Variants in PRKAR2B observed in about 807,000 individuals in gnomAD.
PRKAR2B encodes protein kinase cAMP-dependent type II regulatory subunit beta.
PRKAR2B carries 14 observed loss-of-function variants against 49.9 expected under a neutral mutation model. The ratio of observed to expected loss-of-function variants is 0.28; its 90% CI spans 0.19 to 0.44. The LOEUF (loss-of-function observed/expected upper bound fraction) is 0.44. Among genes scored for constraint, PRKAR2B ranks in the 20% least tolerant of loss-of-function variants. The pLI is 1.00. For missense variants in PRKAR2B, 393 were observed against 537.9 expected (o/e 0.73, Z 2.67); for synonymous variants, 196 against 197.7 (o/e 0.99, Z 0.07).
chr7:107,101,729 T>G (rs1794969089), intron 2 of PRKAR2B, among the ~76,000 whole-genome samples: 1 of 152,186 alleles, frequency 6.6e-6, no homozygotes, highest in South Asian at 2.1e-4. Flanking sequence ...AGAACCACCA[T>G]GCTGACCAAC....
At chr7:107,116,947 G>A (rs1401866370) in intron 2 of PRKAR2B, among the ~76,000 whole-genome samples, 1 of 146,940 alleles carries the variant, frequency 6.8e-6, no homozygotes, top group Non-Finnish European at 1.5e-5. Flanking sequence ...ATATATGTGT[G>A]TGTGTGTGTA....
chr7:107,127,228 A>G (rs1795512763), intron 3 of PRKAR2B, among the ~76,000 whole-genome samples: 1 of 152,224 alleles, frequency 6.6e-6, no homozygotes, highest in Admixed American at 6.5e-5. Flanking sequence ...TGAAGAGGCA[A>G]GGTACCTGCC....
At chr7:107,092,415 A>C (rs1794748148) in intron 2 of PRKAR2B, among the ~76,000 whole-genome samples, 1 of 152,066 alleles carries the variant, frequency 6.6e-6, no homozygotes, top group African/African-American at 2.4e-5. Flanking sequence ...TCCAGGAAGC[A>C]GCTGAAAGGA....
chr7:107,061,678 C>T (rs1040246498), intron 1 of PRKAR2B, among the ~76,000 whole-genome samples: 1 of 152,092 alleles, frequency 6.6e-6, no homozygotes, highest in Non-Finnish European at 1.5e-5. Flanking sequence ...CCTAGGCAGG[C>T]AGATCACTTG....
chr7:107,136,036 G>A (rs1202381563), intron 4 of PRKAR2B, among the ~76,000 whole-genome samples: 1 of 152,160 alleles, frequency 6.6e-6, no homozygotes, highest in Non-Finnish European at 1.5e-5. Context: ...CCACTTAAAT[G>A]CAGTTAACTG....
chr7:107,049,047 T>G lies in PRKAR2B; in HGVS notation c.307+3833T>G, dbSNP rs577437104. On this transcript the variant is annotated intron_variant, in intron 1 of 10. Transcript: ENST00000265717. ...GTAGCATCCCTAGGCCTTGAATTTC[T>G]TAGAAGGTTTACGGTAGGCTATAGC... is the stretch of plus-strand genomic sequence containing the variant. Among the ~76,000 whole-genome samples, 5 of 152,274 alleles carry G rather than the reference T, an allele frequency of 3.3e-5. No homozygotes were observed. In the South Asian group the frequency reaches 1.0e-3, roughly 32 times the overall value.
At chr7:107,056,635 A>G (rs761193382) in intron 1 of PRKAR2B, among the ~76,000 whole-genome samples, 4 of 152,080 alleles carry the variant, frequency 2.6e-5, no homozygotes, top group Admixed American at 1.3e-4. Context: ...TTGGTGTAAG[A>G]ATGCTTGTGA....
chr7:107,153,298 G>C (rs373494152), intron 8 of PRKAR2B, 47 bp downstream of exon 8: 7 of 1,368,480 alleles, frequency 5.1e-6, no homozygotes, highest in Non-Finnish European at 7.1e-6. Context: ...TATTCCAAAA[G>C]GTTCCTGTAG....
At chr7:107,154,826 A>C (rs958634861) in intron 8 of PRKAR2B, among the ~76,000 whole-genome samples, 19 of 152,220 alleles carry the variant, frequency 1.2e-4, no homozygotes, top group Non-Finnish European at 1.5e-5. Flanking sequence ...AAAAGCAAGA[A>C]AGAACAGGTA....
At chr7:107,094,143 T>G (rs1460325572) in intron 2 of PRKAR2B, among the ~76,000 whole-genome samples, 3 of 152,202 alleles carry the variant, frequency 2.0e-5, no homozygotes, top group East Asian at 3.8e-4. Context: ...GTAAAAGTGT[T>G]CCTATTTCTT....
intron 2 of PRKAR2B, among the ~76,000 whole-genome samples, chr7:107,107,935 C>T (rs569615182): frequency 2.1e-5 from 3 of 144,926 alleles, no homozygotes; most frequent in East Asian, 4.1e-4. Flanking sequence ...GGATTACAGG[C>T]GTGAGATGCT....
intron 2 of PRKAR2B, among the ~76,000 whole-genome samples, chr7:107,106,555 G>A (rs377194922): frequency 8.1e-4 from 123 of 152,262 alleles, no homozygotes; most frequent in African/African-American, 2.7e-3. Flanking sequence ...ATCACACATA[G>A]AAAAAGGTAC....
At chr7:107,138,751 A>G (rs1056394884) in intron 4 of PRKAR2B, among the ~76,000 whole-genome samples, 34 of 152,182 alleles carry the variant, frequency 2.2e-4, no homozygotes, top group African/African-American at 8.2e-4. Context: ...TGGTGCGATC[A>G]TGGCTCACTG....
chr7:107,106,268 AC>A, intron 2 of PRKAR2B, among the ~76,000 whole-genome samples: 1 of 151,532 alleles, frequency 6.6e-6, no homozygotes, highest in East Asian at 1.9e-4. Flanking sequence ...GGTCTTGGGA[AC>A]CCCTCTGGTA....
chr7:107,045,238 G>A (rs1793666584), intron 1 of PRKAR2B, 24 bp downstream of exon 1: 1 of 1,398,472 alleles, frequency 7.2e-7, no homozygotes, highest in Non-Finnish European at 9.3e-7. Flanking sequence ...CCCCCACTTC[G>A]CGCCCCCGGA....
At chr7:107,101,626 C>T (rs1487694823) in intron 2 of PRKAR2B, among the ~76,000 whole-genome samples, 2 of 152,128 alleles carry the variant, frequency 1.3e-5, no homozygotes, top group African/African-American at 2.4e-5. Context: ...AAGCTTCTAC[C>T]CTTCCTGCTT....
Position 107,122,570 on chromosome 7 carries a change from T to A in PRKAR2B, c.396+566T>A, listed in dbSNP as rs1795407390. Among the ~76,000 whole-genome samples the A allele has an allele frequency of 2.6e-5, 4 of 152,330 alleles. No homozygotes were observed. The South Asian group carries it at 8.3e-4, about 32-fold the overall frequency. ...ACTATTTATTTAGTAAAAAGTAAACTAAAAGATGACTATGCCTGGAAATGG... is the reference window on the plus strand; with the variant it reads ...ACTATTTATTTAGTAAAAAGTAAACAAAAAGATGACTATGCCTGGAAATGG... On this transcript the variant is annotated intron_variant, in intron 3 of 10. Coordinates refer to ENST00000265717, the MANE Select transcript of PRKAR2B (RefSeq NM_002736.3).
At chr7:107,153,707 T>G (rs889065103) in intron 8 of PRKAR2B, among the ~76,000 whole-genome samples, 1 of 152,212 alleles carries the variant, frequency 6.6e-6, no homozygotes, top group South Asian at 2.1e-4. Context: ...GTCAACATGT[T>G]ATTTAATCCC....
intron 2 of PRKAR2B, among the ~76,000 whole-genome samples, chr7:107,108,669 T>C (rs1170748414): frequency 2.0e-5 from 3 of 152,210 alleles, no homozygotes; most frequent in African/African-American, 7.2e-5. Flanking sequence ...TCACCAGGAA[T>C]GATGATTGGC....
Sources: gnomAD v4.1 joint callset for allele counts (sites outside exome capture counted in the v4.1 genomes callset) on GRCh38, gnomAD v4.1.1 for gene constraint, MANE v1.5 for transcripts, NCBI Gene and HGNC (gene_info 2026-07-23, HGNC 2026-07-21) for gene names.